Variants in MYO16 observed in about 807,000 individuals in gnomAD.
The protein encoded by MYO16 is unconventional myosin-XVI.
In MYO16, 94 loss-of-function variants were observed where a neutral mutation model predicts 205.3. The ratio of observed to expected loss-of-function variants is 0.46; its 90% confidence interval spans 0.39 to 0.54. The LOEUF (loss-of-function observed/expected upper bound fraction) is 0.54, where lower values mean the gene tolerates loss of function less well. Ranked by LOEUF, MYO16 falls within the 20% of genes least tolerant of loss-of-function variation. The probability of loss-of-function intolerance (pLI) is 0.00; values close to 1 mark genes in which losing one functional copy is unlikely to be tolerated. For synonymous variants in MYO16, 988 were observed against 954.0 expected (o/e 1.04, Z -0.66); for missense variants, 2,315 against 2,387.5 (o/e 0.97, Z 0.63).
At chr13:109,086,522 A>G (rs1274830709) in intron 27 of MYO16, among the ~76,000 whole-genome samples, 2 of 152,152 alleles carry the variant, frequency 1.3e-5, no homozygotes, top group Non-Finnish European at 2.9e-5. Flanking sequence ...TTTAATCATG[A>G]CTGTTTTTGA....
chr13:108,962,246 G>T (rs1281290952), intron 18 of MYO16, among the ~76,000 whole-genome samples, 178 bp from the exon 19 acceptor site: 3 of 152,174 alleles, frequency 2.0e-5, no homozygotes, highest in Non-Finnish European at 1.5e-5. Flanking sequence ...TTAATATTTT[G>T]ATTACTGTAA....
At chr13:109,091,220 AG>A (rs1888613133) in intron 27 of MYO16, among the ~76,000 whole-genome samples, 1 of 152,198 alleles carries the variant, frequency 6.6e-6, no homozygotes, top group Non-Finnish European at 1.5e-5. Context: ...GAAAATGCCC[AG>A]GAGTGGTTCT....
At chr13:108,809,693 C>T (rs1011465013) in intron 7 of MYO16, among the ~76,000 whole-genome samples, 3 of 152,226 alleles carry the variant, frequency 2.0e-5, no homozygotes, top group Admixed American at 6.5e-5. Flanking sequence ...CCAGGCCACG[C>T]TTCCAACACT....
chr13:108,589,833 C>T, the MYO16 span, among the ~76,000 whole-genome samples: 86 of 152,178 alleles, frequency 5.7e-4, no homozygotes, highest in African/African-American at 1.8e-3. Context: ...AAAAACAGTT[C>T]GATTTTCTAG....
At chr13:109,188,311 C>G (rs1273632749) in intron 34 of MYO16, among the ~76,000 whole-genome samples, 2 of 152,168 alleles carry the variant, frequency 1.3e-5, no homozygotes, top group East Asian at 3.9e-4. Context: ...GTGCAACTAT[C>G]TCTACAATGT....
the MYO16 span, among the ~76,000 whole-genome samples, chr13:108,552,308 G>A: frequency 2.0e-4 from 30 of 152,202 alleles, no homozygotes; most frequent in Non-Finnish European, 3.5e-4. Context: ...TTGGGTGACA[G>A]AGCTGTCAAC....
intron 22 of MYO16, among the ~76,000 whole-genome samples, chr13:109,012,288 G>A (rs146371495): frequency 6.6e-6 from 1 of 152,096 alleles, no homozygotes; most frequent in South Asian, 2.1e-4. Context: ...TTCACAGCAG[G>A]GGGTGAGCAG....
the MYO16 span, among the ~76,000 whole-genome samples, chr13:108,510,148 G>A: frequency 3.3e-5 from 5 of 151,956 alleles, no homozygotes; most frequent in African/African-American, 4.8e-5. Context: ...ACAGAGTCTC[G>A]CCCTGTCGCC....
intron 2 of MYO16, among the ~76,000 whole-genome samples, chr13:108,701,220 A>G (rs1007537949): frequency 2.0e-5 from 3 of 152,048 alleles, no homozygotes; most frequent in Non-Finnish European, 4.4e-5. Context: ...AGGGAATCGG[A>G]TTTTCAAAGT....
intron 27 of MYO16, among the ~76,000 whole-genome samples, chr13:109,085,671 T>TGATCGCTAAA (rs1438081130): frequency 2.6e-5 from 4 of 152,200 alleles, no homozygotes; most frequent in Admixed American, 1.3e-4. Context: ...AATGTGTTTG[T>TGATCGCTAAA]GATCGCTAAA....
chr13:109,008,753 TA>T (rs1192644960), intron 21 of MYO16, 143 bp from the exon 22 acceptor site: 2 of 455,904 alleles, frequency 4.4e-6, no homozygotes, highest in South Asian at 3.7e-5. Context: ...TGCACTACTG[TA>T]CTATCTTGTG....
At chr13:108,661,577 C>T (rs1317866815) in intron 1 of MYO16, among the ~76,000 whole-genome samples, 5 of 152,108 alleles carry the variant, frequency 3.3e-5, no homozygotes, top group Admixed American at 6.5e-5. Context: ...CTTCTATTGC[C>T]GAGACTTTCC....
the MYO16 span, among the ~76,000 whole-genome samples, chr13:108,506,170 C>T: frequency 0.13 from 19,277 of 151,958 alleles, 1,382 homozygotes; most frequent in East Asian, 0.23. Flanking sequence ...ATATAAATTT[C>T]AGAATTTCTT....
intron 12 of MYO16, among the ~76,000 whole-genome samples, chr13:108,877,876 A>T (rs1879400760): frequency 6.6e-6 from 1 of 152,068 alleles, no homozygotes; most frequent in Admixed American, 6.5e-5. Flanking sequence ...ATATTTTTGA[A>T]TCCTATTTCC....
intron 4 of MYO16, among the ~76,000 whole-genome samples, chr13:108,770,958 G>A (rs1211138216): frequency 6.6e-6 from 1 of 152,210 alleles, no homozygotes; most frequent in Non-Finnish European, 1.5e-5. Flanking sequence ...GTTGGAAAGA[G>A]TTGGGTCCAG....
intron 20 of MYO16, among the ~76,000 whole-genome samples, chr13:108,976,231 A>G (rs1008798209): frequency 6.6e-6 from 1 of 152,158 alleles, no homozygotes; most frequent in Non-Finnish European, 1.5e-5. Flanking sequence ...ATCTGACCAT[A>G]TGACATATTT....
chr13:108,970,303 A>G (rs1344185497), intron 20 of MYO16, among the ~76,000 whole-genome samples: 1 of 152,226 alleles, frequency 6.6e-6, no homozygotes, highest in Non-Finnish European at 1.5e-5. Flanking sequence ...CTTGTGGTAT[A>G]ATGAAAACAT....
intron 31 of MYO16, among the ~76,000 whole-genome samples, chr13:109,139,583 C>G (rs1391858583): frequency 1.3e-5 from 2 of 152,218 alleles, no homozygotes; most frequent in Non-Finnish European, 2.9e-5. Context: ...CTTTATTCGG[C>G]CGGGAGCTTC....
intron 34 of MYO16, among the ~76,000 whole-genome samples, chr13:109,200,612 C>G (rs146569000): frequency 3.3e-5 from 5 of 151,708 alleles, no homozygotes; most frequent in African/African-American, 1.2e-4. Flanking sequence ...TTAGTAAACA[C>G]TGAGAAGCTT....
Sources: gnomAD v4.1 joint callset for allele counts (sites outside exome capture counted in the v4.1 genomes callset) on GRCh38, gnomAD v4.1.1 for gene constraint, MANE v1.5 for transcripts, NCBI Gene and HGNC (gene_info 2026-07-23, HGNC 2026-07-21) for gene names.